Variants in TSPAN11 observed in about 807,000 individuals in gnomAD.
TSPAN11 encodes tetraspanin-11.
Under a neutral mutation model 32.9 loss-of-function variants are expected in TSPAN11, and 29 were observed. The observed-to-expected ratio is 0.88, with a 90% CI of 0.66 to 1.20. The LOEUF is 1.20. Ranked by LOEUF, TSPAN11 falls within the 50% of genes most tolerant of loss-of-function variation. The pLI is 0.00. For synonymous variants in TSPAN11, 140 were observed against 141.3 expected (o/e 0.99, Z 0.07); for missense variants, 283 against 329.1 (o/e 0.86, Z 1.08).
intron 5 of TSPAN11, among the ~76,000 whole-genome samples, chr12:30,980,836 T>C (rs973814564): frequency 6.6e-6 from 1 of 152,192 alleles, no homozygotes; most frequent in African/African-American, 2.4e-5. Flanking sequence ...CACACACTGC[T>C]GGCCAGCCCT....
intron 7 of TSPAN11, among the ~76,000 whole-genome samples, chr12:30,985,895 T>C (rs1939192255): frequency 6.6e-6 from 1 of 152,240 alleles, no homozygotes. Context: ...ATGCAGTCTG[T>C]TCCTTCGCCG....
At chr12:31,012,368 A>C in the TSPAN11 span, 1 of 152,308 alleles carries the variant, frequency 6.6e-6, no homozygotes, top group South Asian at 2.1e-4. Flanking sequence ...CATTTCACAC[A>C]ACAGTCAACA....
intron 5 of TSPAN11, among the ~76,000 whole-genome samples, chr12:30,980,983 G>A (rs775744712): frequency 1.3e-4 from 19 of 151,538 alleles, no homozygotes; most frequent in Non-Finnish European, 2.4e-4. Flanking sequence ...GTGCAAGGCT[G>A]GGCCACCCTC....
the TSPAN11 span, among the ~76,000 whole-genome samples, chr12:31,011,023 G>T: frequency 6.6e-6 from 1 of 152,176 alleles, no homozygotes; most frequent in Non-Finnish European, 1.5e-5. Context: ...ATTGACAACA[G>T]CAAAAAGAAA....
chr12:30,972,144 G>A (rs970806795), intron 3 of TSPAN11, among the ~76,000 whole-genome samples: 1 of 152,178 alleles, frequency 6.6e-6, no homozygotes, highest in Non-Finnish European at 1.5e-5. Flanking sequence ...TCAGACCACA[G>A]GGGATCGATT....
At position 30,992,092 on chromosome 12, in the gene TSPAN11, A is replaced by G. The variant is rs1939325812; in HGVS notation, c.*177A>G. 1 of 683,542 alleles carries G rather than the reference A, an allele frequency of 1.5e-6. No homozygotes were observed. The highest frequency in any genetic ancestry group is 2.3e-5 in the Admixed American group (1 of 43,654). The allele number at this position is 683,542 out of a possible 1,614,324, so 42.3% of individuals were successfully genotyped here. A position where few individuals can be genotyped will look rare whatever the true frequency, so the allele number is the denominator to read the frequency against. On this transcript the variant is annotated 3_prime_UTR_variant, in exon 8 of 8. Coordinates refer to ENST00000546076, the MANE Select transcript of TSPAN11 (RefSeq NM_001370302.1). ...CCATAGCTTCTGTGCCCACCCAGGC[A>G]GAGACCCTCGGCCCCCTCTCCTCCA...
intron 1 of TSPAN11, among the ~76,000 whole-genome samples, chr12:30,931,482 C>T (rs1227604402): frequency 8.3e-6 from 1 of 120,486 alleles, no homozygotes; most frequent in Admixed American, 7.6e-5. Flanking sequence ...TTTCTATGAG[C>T]GTTCTTGAAA....
At chr12:31,001,543 C>A (rs940119785), downstream of TSPAN11, among the ~76,000 whole-genome samples, 1 of 152,222 alleles carries the variant, frequency 6.6e-6, no homozygotes, top group African/African-American at 2.4e-5. Flanking sequence ...TGTCTAGGTG[C>A]TTGGCATGAG....
chr12:30,971,114 G>C (rs1938841519), intron 3 of TSPAN11, among the ~76,000 whole-genome samples: 2 of 152,124 alleles, frequency 1.3e-5, no homozygotes, highest in African/African-American at 4.8e-5. Context: ...TTGATGCCCT[G>C]TTCTGAGAAT....
the TSPAN11 span, among the ~76,000 whole-genome samples, chr12:31,006,171 G>A: frequency 2.0e-5 from 3 of 152,204 alleles, no homozygotes; most frequent in Non-Finnish European, 2.9e-5. Flanking sequence ...CCACAGAGTT[G>A]TCTCAGTGGC....
In TSPAN11 at chr12:30,971,843, T is replaced by TAA. The variant is rs5797394; in HGVS notation, c.277-6706_277-6705dup. Among the ~76,000 whole-genome samples the TAA allele has an allele frequency of 1.9e-3, 286 of 150,376 alleles. 1 individual carries two copies. Among genetic ancestry groups the TAA allele is most frequent in the African/African-American group, 4.8e-3 (198 of 40,904 alleles). On this transcript the variant is annotated intron_variant, in intron 3 of 7. Coordinates refer to ENST00000546076, the MANE Select transcript of TSPAN11 (RefSeq NM_001370302.1). Reference sequence around the variant, plus strand: ...TGCATATTTCCTGCAAGGCCTCGTGTAAAAAAAAAAAAATTGGTTTGGTTC... The same window carrying TAA: ...TGCATATTTCCTGCAAGGCCTCGTGTAAAAAAAAAAAAAAATTGGTTTGGTTC...
chr12:30,958,135 T>C (rs1296789137), intron 2 of TSPAN11, among the ~76,000 whole-genome samples: 2 of 152,016 alleles, frequency 1.3e-5, no homozygotes, highest in Non-Finnish European at 2.9e-5. Context: ...GAACAGGTGA[T>C]CTCATGTTCC....
At chr12:30,969,699 C>T (rs1258512567) in intron 3 of TSPAN11, among the ~76,000 whole-genome samples, 3 of 152,168 alleles carry the variant, frequency 2.0e-5, no homozygotes, top group Non-Finnish European at 4.4e-5. Context: ...CGATTTTCTG[C>T]AGTGGATGTT....
intron 1 of TSPAN11, among the ~76,000 whole-genome samples, chr12:30,952,773 T>A (rs965749946): frequency 6.6e-6 from 1 of 152,318 alleles, no homozygotes; most frequent in East Asian, 1.9e-4. Context: ...CCAGCAGCCA[T>A]GGTCCATTAT....
chr12:30,984,611 T>G (rs1434757335), intron 7 of TSPAN11, among the ~76,000 whole-genome samples: 1 of 132,430 alleles, frequency 7.6e-6, no homozygotes, highest in African/African-American at 3.0e-5. Flanking sequence ...CAGGCTGGAG[T>G]GCAGTGGTGC....
chr12:30,982,723 G>A lies in TSPAN11; in HGVS notation c.615+33G>A, dbSNP rs369380989. On this transcript the variant is annotated intron_variant, in intron 6 of 7. Transcript: ENST00000546076. The stretch of plus-strand genomic sequence containing the variant: ...CCCAAGCTCAAGTTGGGGGTGAGGA[G>A]AGGGCCCTGGCCTGGCCGTTCAGGA... The A allele has an allele frequency of 1.2e-5, 18 of 1,528,900 alleles. No homozygotes were observed. The African/African-American group carries it at 2.5e-4, about 21-fold the overall frequency. 94.7% of individuals were successfully genotyped at this position (1,528,900 alleles called of 1,614,324 possible). A position where few individuals can be genotyped will look rare whatever the true frequency, so the allele number is the denominator to read the frequency against.
chr12:31,008,909 C>T, the TSPAN11 span, among the ~76,000 whole-genome samples: 1,048 of 152,292 alleles, frequency 6.9e-3, 13 homozygotes, highest in African/African-American at 0.024. Flanking sequence ...CTCGGAAGGT[C>T]ACCTGCCTCC....
At chr12:30,976,011 A>G (rs10843869) in intron 3 of TSPAN11, among the ~76,000 whole-genome samples, 82,109 of 152,082 alleles carry the variant, frequency 0.54, 23,017 homozygotes, top group African/African-American at 0.6. Flanking sequence ...AAGGAGCCGC[A>G]GGGCCCAGCA....
intron 1 of TSPAN11, among the ~76,000 whole-genome samples, chr12:30,927,433 T>A (rs1592454200): frequency 6.6e-6 from 1 of 152,324 alleles, no homozygotes; most frequent in East Asian, 1.9e-4. Flanking sequence ...ATGTGCAGTG[T>A]GCACATGTGT....
Sources: allele counts gnomAD v4.1 joint callset (sites outside exome capture counted in the v4.1 genomes callset), GRCh38; gene constraint gnomAD v4.1.1; transcripts MANE v1.5; gene names NCBI Gene and HGNC (gene_info 2026-07-23, HGNC 2026-07-21).